The following SLC25A14 variants were observed in gnomAD, a reference collection of about 807,000 sequenced individuals.
The protein encoded by SLC25A14 is brain mitochondrial carrier protein 1.
Under a neutral mutation model 28.1 loss-of-function variants are expected in SLC25A14, and 8 were observed. That is an observed-to-expected ratio of 0.28 (90% confidence interval 0.17 to 0.51). SLC25A14 has a LOEUF of 0.51. Among genes scored for constraint, SLC25A14 ranks in the 20% least tolerant of loss-of-function variants. SLC25A14 has a pLI of 0.97. For missense variants in SLC25A14, 135 were observed against 263.8 expected (o/e 0.51, Z 3.38); for synonymous variants, 74 against 90.6 (o/e 0.82, Z 1.04).
At chrX:130,366,487 C>T (rs893595210) in intron 9 of SLC25A14, among the ~76,000 whole-genome samples, 3 of 111,849 alleles carry the variant, frequency 2.7e-5, no homozygotes, top group African/African-American at 9.8e-5. Flanking sequence ...CATTACTCCA[C>T]GAGGTAGACA....
At chrX:130,340,494 C>T in intron 2 of SLC25A14, 141 bp downstream of exon 2, 1 of 597,931 alleles carries the variant, frequency 1.7e-6, no homozygotes, top group Non-Finnish European at 2.6e-6. Flanking sequence ...ATTGGCATGA[C>T]AGCTGTTATC....
At position 130,364,737 on chromosome X, in the gene SLC25A14, T is replaced by C. The variant is rs2034071604; in HGVS notation, c.704T>C (p.Ile235Thr). ...LILSGMMGDT[I>T]LTHFVSSFTC... is the part of the protein sequence containing the mutation. Reference sequence around the variant, plus strand: ...TTGTCAGGAATGATGGGCGATACAATTTTAACTCACTTCGTGTAAGTAGGA... The same window carrying C: ...TTGTCAGGAATGATGGGCGATACAACTTTAACTCACTTCGTGTAAGTAGGA... The change falls in exon 8 of 11, where the codon ATT (isoleucine) becomes ACT (threonine). Residue 235 changes from isoleucine (I) to threonine (T), a missense_variant. Transcript: ENST00000545805. 8.3e-7 allele frequency: 1 copy of C among 1,205,280 alleles called. No homozygotes were observed. Among genetic ancestry groups the C allele is most frequent in the Non-Finnish European group, 1.1e-6 (1 of 890,685 alleles).
chrX:130,342,788 T>C (rs1468069319), intron 2 of SLC25A14, among the ~76,000 whole-genome samples: 1 of 109,146 alleles, frequency 9.2e-6, no homozygotes, highest in Non-Finnish European at 1.9e-5. Context: ...GGTACACAAA[T>C]ACAGGCTAGT....
intron 9 of SLC25A14, among the ~76,000 whole-genome samples, chrX:130,366,527 C>T (rs186158217): frequency 8.9e-6 from 1 of 112,120 alleles, no homozygotes; most frequent in East Asian, 2.8e-4. Context: ...AGTAAGCTGC[C>T]TAAGGTTTCA....
intron 3 of SLC25A14, among the ~76,000 whole-genome samples, chrX:130,345,610 TAA>T (rs1041427080): frequency 2.7e-5 from 3 of 112,094 alleles, no homozygotes; most frequent in African/African-American, 9.7e-5. Context: ...AAATTATTTA[TAA>T]GTTTATTTGT....
intron 6 of SLC25A14, among the ~76,000 whole-genome samples, chrX:130,355,569 A>G (rs2124757930): frequency 8.9e-6 from 1 of 111,931 alleles, no homozygotes; most frequent in East Asian, 2.8e-4. Context: ...GCATCTCATA[A>G]AAGGAATATT....
chrX:130,350,615 C>T, intron 5 of SLC25A14, 31 bp from the exon 6 acceptor site: 1 of 961,551 alleles, frequency 1.0e-6, no homozygotes, highest in Non-Finnish European at 1.5e-6. Flanking sequence ...CTAATACAAG[C>T]AGACCTTTCT....
At chrX:130,345,892 A>G (rs1331552352) in intron 3 of SLC25A14, among the ~76,000 whole-genome samples, 2 of 111,236 alleles carry the variant, frequency 1.8e-5, no homozygotes, top group Non-Finnish European at 1.9e-5. Flanking sequence ...TATTTTGTCA[A>G]TGTGATGACC....
intron 7 of SLC25A14, among the ~76,000 whole-genome samples, chrX:130,364,041 C>T (rs960301075): frequency 1.8e-5 from 2 of 112,120 alleles, no homozygotes; most frequent in East Asian, 2.8e-4. Context: ...CCTTCTTTTA[C>T]TTAAAAGAAA....
intron 6 of SLC25A14, among the ~76,000 whole-genome samples, chrX:130,354,095 CTT>C (rs747971751): frequency 3.1e-5 from 3 of 97,020 alleles, no homozygotes; most frequent in Non-Finnish European, 4.2e-5. Context: ...CTTTTTCATT[CTT>C]TTTTTTTTTT....
chrX:130,372,746 G>C (rs2034296466), intron 10 of SLC25A14, among the ~76,000 whole-genome samples, 163 bp from the exon 11 acceptor site: 1 of 111,532 alleles, frequency 9.0e-6, no homozygotes, highest in Non-Finnish European at 1.9e-5. Flanking sequence ...ACAGGCGTGA[G>C]CCACCGCGCC....
chrX:130,344,465 C>T (rs916905362), intron 2 of SLC25A14, among the ~76,000 whole-genome samples: 7 of 110,943 alleles, frequency 6.3e-5, no homozygotes, highest in Non-Finnish European at 1.1e-4. Flanking sequence ...GAGCAGAATA[C>T]GTTGTTAAAG....
At position 130,363,110 on chromosome X, in the gene SLC25A14, T is replaced by G. The variant is rs773724728; in HGVS notation, c.595-1518T>G. Among the ~76,000 whole-genome samples, 17 of 112,616 alleles carry G rather than the reference T, an allele frequency of 1.5e-4. No homozygotes were observed. The South Asian group carries it at 5.5e-3, about 36-fold the overall frequency. The stretch of plus-strand genomic sequence containing the variant: ...ATACGATTTAATTGTTTCTAGTATA[T>G]TCACAGATTAGTGCAGCCATTACCA... On this transcript the variant is annotated intron_variant, in intron 7 of 10. Coordinates refer to ENST00000545805, the MANE Select transcript of SLC25A14 (RefSeq NM_001282195.2).
At chrX:130,349,165 G>T in intron 4 of SLC25A14, 86 bp from the exon 5 acceptor site, 1 of 432,609 alleles carries the variant, frequency 2.3e-6, no homozygotes, top group Non-Finnish European at 3.8e-6. Context: ...TGGGTAGAAT[G>T]AGATGGGTAG....
rs1212037064 is a variant in SLC25A14 at position 130,346,598 on chromosome X, T to A, written c.224T>A (p.Ile75Asn). The stretch of plus-strand genomic sequence containing the variant: ...CGACTTCAGGTTCAAGGCCAAAGCA[T>A]TGATGCCCGTTTCAAAGAGATAAAA... ...KTRLQVQGQS[I>N]DARFKEIKYR... The change falls in exon 4 of 11, where the codon ATT becomes AAT. Residue 75 changes from isoleucine to asparagine, a missense_variant. Ile to Asn is a moderately radical substitution (Grantham distance 149, BLOSUM62 -3). Coordinates refer to ENST00000545805, the MANE Select transcript of SLC25A14 (RefSeq NM_001282195.2). 1 of 1,207,133 alleles carries A rather than the reference T, an allele frequency of 8.3e-7. No individual in the cohort carries two copies. The highest frequency in any genetic ancestry group is 2.2e-5 in the Admixed American group (1 of 46,021).
rs773266148 is a variant in SLC25A14 at position 130,346,697 on chromosome X, A to G, written c.317+6A>G. On this transcript the variant is annotated splice_donor_region_variant and intron_variant, in intron 4 of 10. Coordinates refer to ENST00000545805, the MANE Select transcript of SLC25A14 (RefSeq NM_001282195.2). ...GTATTGGCTCTCTATTCAGGGTGAG[A>G]CTGGTTCTTTCCTTATATCATTAAC... 33 of 1,191,103 alleles carry G rather than the reference A, an allele frequency of 2.8e-5. No individual in the cohort carries two copies. The highest frequency in any genetic ancestry group is 3.6e-5 in the Non-Finnish European group (32 of 882,446).
intron 2 of SLC25A14, among the ~76,000 whole-genome samples, chrX:130,344,167 G>A (rs1348847944): frequency 8.9e-6 from 1 of 112,555 alleles, no homozygotes; most frequent in Non-Finnish European, 1.9e-5. Flanking sequence ...GCCTAGAGCA[G>A]TTCTTAAGTG....
intron 9 of SLC25A14, among the ~76,000 whole-genome samples, chrX:130,370,772 T>C (rs191418971): frequency 8.1e-4 from 91 of 112,410 alleles, no homozygotes; most frequent in African/African-American, 2.5e-3. Context: ...ATTTGTGTAT[T>C]TGTCAGCCCC....
chrX:130,353,415 G>C (rs924892906), intron 6 of SLC25A14, among the ~76,000 whole-genome samples: 8 of 111,482 alleles, frequency 7.2e-5, no homozygotes, highest in African/African-American at 2.0e-4. Context: ...GAACTTGTTA[G>C]AAATGCAAAT....
Sources: allele counts gnomAD v4.1 joint callset (sites outside exome capture counted in the v4.1 genomes callset), GRCh38; gene constraint gnomAD v4.1.1; transcripts MANE v1.5; gene names NCBI Gene and HGNC (gene_info 2026-07-23, HGNC 2026-07-21).